SPOCK1: variants seen among roughly 807,000 people sequenced by gnomAD.
SPOCK1 encodes SPARC (osteonectin), cwcv and kazal like domains proteoglycan 1.
A neutral mutation model predicts 55.3 loss-of-function variants in SPOCK1; 23 were observed. That is an observed-to-expected ratio of 0.42 (90% confidence interval 0.30 to 0.59). The LOEUF is 0.59. Ranked by LOEUF, SPOCK1 falls within the 20% of genes least tolerant of loss-of-function variation. The pLI is 0.22. For missense variants in SPOCK1, 499 were observed against 552.5 expected (o/e 0.90, Z 0.97); for synonymous variants, 226 against 221.0 (o/e 1.02, Z -0.20).
intron 4 of SPOCK1, among the ~76,000 whole-genome samples, chr5:137,118,417 G>A (rs922708493): frequency 1.3e-5 from 2 of 152,118 alleles, no homozygotes; most frequent in Non-Finnish European, 2.9e-5. Flanking sequence ...AACTCCGCAC[G>A]TCAGTGTTTC....
At chr5:137,182,631 C>G (rs751849032) in intron 3 of SPOCK1, among the ~76,000 whole-genome samples, 5 of 152,136 alleles carry the variant, frequency 3.3e-5, no homozygotes, top group Admixed American at 6.5e-5. Context: ...ACCTCTGGGT[C>G]AGCAGTTCTG....
chr5:137,201,204 A>C (rs954388434), intron 3 of SPOCK1, among the ~76,000 whole-genome samples: 3 of 152,242 alleles, frequency 2.0e-5, no homozygotes, highest in African/African-American at 7.2e-5. Context: ...AAAAGAGACC[A>C]GAAGGACTGG....
chr5:137,233,860 C>T (rs1756122993), intron 3 of SPOCK1, among the ~76,000 whole-genome samples: 1 of 151,924 alleles, frequency 6.6e-6, no homozygotes, highest in South Asian at 2.1e-4. Context: ...CCAATAGGCA[C>T]AGCTTTATTT....
intron 2 of SPOCK1, among the ~76,000 whole-genome samples, chr5:137,393,361 C>G (rs940267306): frequency 6.6e-6 from 1 of 152,186 alleles, no homozygotes; most frequent in South Asian, 2.1e-4. Context: ...GAGAACATGC[C>G]TGAGCTAGCT....
At chr5:137,142,276 C>A (rs1754114013) in intron 3 of SPOCK1, among the ~76,000 whole-genome samples, 1 of 152,212 alleles carries the variant, frequency 6.6e-6, no homozygotes, top group Admixed American at 6.5e-5. Context: ...TCTTAGCCAT[C>A]CTGACTCCTC....
At chr5:137,326,496 C>T (rs1758080042) in intron 2 of SPOCK1, among the ~76,000 whole-genome samples, 1 of 152,176 alleles carries the variant, frequency 6.6e-6, no homozygotes. Context: ...GCTGGTTGCC[C>T]TGGGTAATTT....
intron 3 of SPOCK1, among the ~76,000 whole-genome samples, chr5:137,231,137 C>T (rs1334184654): frequency 2.0e-5 from 3 of 152,060 alleles, no homozygotes; most frequent in Admixed American, 6.5e-5. Context: ...TCCACCTTCC[C>T]GGGTTCAAGT....
Position 137,202,030 on chromosome 5 carries a change from C to T in SPOCK1, c.233-61336G>A, listed in dbSNP as rs76501865. Reference sequence around the variant, plus strand: ...GCTTTGCAGCCTGTGCCTGAACATTCCAACCTACAGGGGTGCTCAAGCCTG... The same window carrying T: ...GCTTTGCAGCCTGTGCCTGAACATTTCAACCTACAGGGGTGCTCAAGCCTG... On this transcript the variant is annotated intron_variant, in intron 3 of 10. Transcript: ENST00000394945. Among the ~76,000 whole-genome samples the T allele has an allele frequency of 7.9e-5, 12 of 152,334 alleles. No individual in the cohort carries two copies. The East Asian group carries it at 2.3e-3, about 29-fold the overall frequency.
intron 2 of SPOCK1, among the ~76,000 whole-genome samples, chr5:137,463,687 T>C (rs745824113): frequency 2.6e-5 from 4 of 152,192 alleles, no homozygotes; most frequent in Non-Finnish European, 4.4e-5. Context: ...TGGTTGCTCA[T>C]GCCTGTAATC....
At chr5:137,215,571 T>C (rs991953455) in intron 3 of SPOCK1, among the ~76,000 whole-genome samples, 2 of 152,224 alleles carry the variant, frequency 1.3e-5, no homozygotes, top group Non-Finnish European at 2.9e-5. Context: ...AACACAGATA[T>C]GTTAAGAAGT....
intron 3 of SPOCK1, among the ~76,000 whole-genome samples, chr5:137,202,689 G>A (rs1307109922): frequency 6.6e-6 from 1 of 152,166 alleles, no homozygotes; most frequent in Non-Finnish European, 1.5e-5. Flanking sequence ...TCCTTCACTT[G>A]AGGAACTCTG....
At chr5:137,186,086 T>C (rs1440058631) in intron 3 of SPOCK1, among the ~76,000 whole-genome samples, 1 of 152,220 alleles carries the variant, frequency 6.6e-6, no homozygotes, top group African/African-American at 2.4e-5. Context: ...CAAAGCCTTC[T>C]GAAAATCCTG....
chr5:137,213,839 C>T (rs1043080265), intron 3 of SPOCK1, among the ~76,000 whole-genome samples: 1 of 152,116 alleles, frequency 6.6e-6, no homozygotes, highest in African/African-American at 2.4e-5. Context: ...ACAGCAAGGC[C>T]CTGGAACCAA....
chr5:137,414,596 A>G (rs1324418196), intron 2 of SPOCK1, among the ~76,000 whole-genome samples: 1 of 152,164 alleles, frequency 6.6e-6, no homozygotes, highest in African/African-American at 2.4e-5. Context: ...GGGGCGAAAC[A>G]TTGAAAATAC....
intron 6 of SPOCK1, among the ~76,000 whole-genome samples, chr5:137,002,324 C>G (rs1751168068): frequency 6.6e-6 from 1 of 151,966 alleles, no homozygotes; most frequent in African/African-American, 2.4e-5. Flanking sequence ...GAAAAAGAAA[C>G]ATTTAGAACT....
intron 2 of SPOCK1, among the ~76,000 whole-genome samples, chr5:137,324,917 A>G (rs1231640548): frequency 1.3e-5 from 2 of 152,006 alleles, no homozygotes; most frequent in South Asian, 2.1e-4. Flanking sequence ...AGAGCAGACC[A>G]TCACCAACAC....
intron 2 of SPOCK1, among the ~76,000 whole-genome samples, chr5:137,321,144 G>A (rs1241305006): frequency 6.7e-6 from 1 of 148,428 alleles, no homozygotes; most frequent in Non-Finnish European, 1.5e-5. Flanking sequence ...CACAGAATCA[G>A]CACACTCAGA....
At chr5:137,082,140 T>C (rs1218912749) in intron 5 of SPOCK1, among the ~76,000 whole-genome samples, 1 of 152,216 alleles carries the variant, frequency 6.6e-6, no homozygotes, top group East Asian at 1.9e-4. Flanking sequence ...ACATGGTCCA[T>C]GCAGACCCCA....
At chr5:137,024,320 G>GGA (rs1561583098) in intron 6 of SPOCK1, among the ~76,000 whole-genome samples, 1 of 147,680 alleles carries the variant, frequency 6.8e-6, no homozygotes, top group Non-Finnish European at 1.5e-5. Flanking sequence ...TTGAAGGGGG[G>GGA]GGGGTAGTTA....
Sources: gnomAD v4.1 joint callset for allele counts (sites outside exome capture counted in the v4.1 genomes callset) on GRCh38, gnomAD v4.1.1 for gene constraint, MANE v1.5 for transcripts, NCBI Gene and HGNC (gene_info 2026-07-23, HGNC 2026-07-21) for gene names.